Variants in KCND2 observed in about 807,000 individuals in gnomAD.
KCND2 encodes the protein potassium voltage-gated channel subfamily D member 2.
In KCND2, 16 loss-of-function variants were observed where a neutral mutation model predicts 54.4. The observed-to-expected ratio is 0.29, with a 90% CI of 0.20 to 0.45. The LOEUF (loss-of-function observed/expected upper bound fraction) is 0.45, where lower values mean the gene tolerates loss of function less well. Among genes scored for constraint, KCND2 ranks in the 20% least tolerant of loss-of-function variants. KCND2 has a pLI of 1.00. For synonymous variants in KCND2, 317 were observed against 310.7 expected (o/e 1.02, Z -0.21); for missense variants, 486 against 824.2 (o/e 0.59, Z 5.02).
At chr7:120,376,589 C>T (rs1800838040) in intron 1 of KCND2, among the ~76,000 whole-genome samples, 1 of 150,742 alleles carries the variant, frequency 6.6e-6, no homozygotes, top group Non-Finnish European at 1.5e-5. Flanking sequence ...TATAAAAATA[C>T]ATTTGCATTC....
intron 1 of KCND2, among the ~76,000 whole-genome samples, chr7:120,396,008 A>T (rs1801150683): frequency 6.6e-6 from 1 of 152,054 alleles, no homozygotes; most frequent in African/African-American, 2.4e-5. Context: ...TCTCTTAGAC[A>T]TCCAACAGAG....
chr7:120,536,839 T>C (rs1294434183), intron 1 of KCND2, among the ~76,000 whole-genome samples: 1 of 152,194 alleles, frequency 6.6e-6, no homozygotes, highest in Non-Finnish European at 1.5e-5. Context: ...AGGGATGTAA[T>C]AAACTTCTTT....
At chr7:120,410,767 A>C (rs890600638) in intron 1 of KCND2, among the ~76,000 whole-genome samples, 8 of 144,476 alleles carry the variant, frequency 5.5e-5, no homozygotes, top group African/African-American at 2.1e-4. Flanking sequence ...TCACTGTTCA[A>C]TTCCCACCTA....
intron 1 of KCND2, among the ~76,000 whole-genome samples, chr7:120,441,244 C>T (rs1801941338): frequency 6.6e-6 from 1 of 152,000 alleles, no homozygotes; most frequent in Admixed American, 6.6e-5. Flanking sequence ...AGTTATTTAA[C>T]TTTTCTGTTA....
chr7:120,354,885 A>G lies in KCND2; in HGVS notation c.1115+79138A>G, dbSNP rs567477039. 8.5e-5 allele frequency among the ~76,000 whole-genome samples: 13 copies of G among 152,374 alleles called. No homozygotes were observed. The South Asian group carries it at 2.7e-3, about 32-fold the overall frequency. ...ATTGTATATATGAGATACATTATAT[A>G]AACTATACTATTCTTCAGCTTTGAT... On this transcript the variant is annotated intron_variant, in intron 1 of 5. Coordinates refer to ENST00000331113, the MANE Select transcript of KCND2 (RefSeq NM_012281.3).
At chr7:120,480,155 T>C (rs1802585905) in intron 1 of KCND2, among the ~76,000 whole-genome samples, 1 of 152,010 alleles carries the variant, frequency 6.6e-6, no homozygotes, top group African/African-American at 2.4e-5. Context: ...AAATTATCTA[T>C]TTTTAGGGAA....
chr7:120,510,553 A>G (rs961752688), intron 1 of KCND2, among the ~76,000 whole-genome samples: 2 of 152,110 alleles, frequency 1.3e-5, no homozygotes, highest in Admixed American at 6.6e-5. Flanking sequence ...TAATAAATGT[A>G]TACAATTTAA....
intron 1 of KCND2, among the ~76,000 whole-genome samples, chr7:120,382,873 TACTC>T (rs2116030907): frequency 6.6e-6 from 1 of 151,998 alleles, no homozygotes; most frequent in East Asian, 1.9e-4. Context: ...TGTATTATGT[TACTC>T]ACAATCTTTC....
At chr7:120,470,841 A>G (rs1018342550) in intron 1 of KCND2, among the ~76,000 whole-genome samples, 2 of 151,904 alleles carry the variant, frequency 1.3e-5, no homozygotes, top group African/African-American at 4.8e-5. Context: ...TATATAATAT[A>G]AGTAAATCCC....
chr7:120,399,701 C>CTTA (rs1801215519), intron 1 of KCND2, among the ~76,000 whole-genome samples: 1 of 148,318 alleles, frequency 6.7e-6, no homozygotes, highest in Non-Finnish European at 1.5e-5. Context: ...TTATTTTTAC[C>CTTA]TTATTTATTT....
At chr7:120,401,765 A>G (rs1801257145) in intron 1 of KCND2, among the ~76,000 whole-genome samples, 1 of 152,098 alleles carries the variant, frequency 6.6e-6, no homozygotes, top group South Asian at 2.1e-4. Flanking sequence ...TTGTTATTCT[A>G]TCCCTTTCCT....
At chr7:120,669,643 C>T (rs1281620556) in intron 1 of KCND2, among the ~76,000 whole-genome samples, 3 of 152,078 alleles carry the variant, frequency 2.0e-5, no homozygotes, top group African/African-American at 7.2e-5. Context: ...ACCCTGAGCT[C>T]CTCGAGTTAT....
intron 1 of KCND2, among the ~76,000 whole-genome samples, chr7:120,666,802 T>G (rs1027481597): frequency 1.3e-5 from 2 of 151,940 alleles, no homozygotes; most frequent in African/African-American, 4.8e-5. Context: ...CTCATATATC[T>G]TCTCTAAGTA....
In KCND2 at chr7:120,745,785, C is replaced by T. The variant is rs145422660; in HGVS notation, c.1473C>T (p.His491=). 363 of 1,613,584 alleles carry T rather than the reference C, an allele frequency of 2.2e-4. 2 individuals are homozygous for T. In the African/African-American group the frequency reaches 4.3e-3, roughly 19 times the overall value. Residue 491 remains histidine, a synonymous_variant, in exon 5 of 6, where the codon CAC becomes CAT. Coordinates refer to ENST00000331113, the MANE Select transcript of KCND2 (RefSeq NM_012281.3). ...TACTTACAACTGTGGAACAGAATCA[C>T]GAGTTTGTGGACGAACAAGTCTTTG... ...LLHCLEKTTN[H]EFVDEQVFEE...
At chr7:120,704,310 A>G (rs1012631148) in intron 1 of KCND2, among the ~76,000 whole-genome samples, 2 of 152,178 alleles carry the variant, frequency 1.3e-5, no homozygotes, top group African/African-American at 4.8e-5. Flanking sequence ...TTATTTTTGG[A>G]TGATACATTA....
intron 1 of KCND2, among the ~76,000 whole-genome samples, chr7:120,404,035 G>T (rs1168197828): frequency 6.6e-6 from 1 of 151,996 alleles, no homozygotes; most frequent in African/African-American, 2.4e-5. Flanking sequence ...TAACATTTCA[G>T]CAGAAACCAC....
chr7:120,597,931 G>T (rs1792765685), intron 1 of KCND2, among the ~76,000 whole-genome samples: 2 of 151,950 alleles, frequency 1.3e-5, no homozygotes, highest in East Asian at 3.9e-4. Context: ...CTGTCCCTAG[G>T]GTACTCTTCT....
rs555913503 is a variant in KCND2 at position 120,516,759 on chromosome 7, A to G, written c.1116-216144A>G. 5.9e-5 allele frequency among the ~76,000 whole-genome samples: 9 copies of G among 152,284 alleles called. No homozygotes were observed. In the East Asian group the frequency reaches 1.7e-3, roughly 29 times the overall value. The stretch of plus-strand genomic sequence containing the variant: ...TGTTGACCCAGGATTGAATATCTAC[A>G]TATATGAAAATACAAATACATAAAC... On this transcript the variant is annotated intron_variant, in intron 1 of 5. Transcript: ENST00000331113.
At chr7:120,549,202 C>A (rs1792078057) in intron 1 of KCND2, among the ~76,000 whole-genome samples, 1 of 152,000 alleles carries the variant, frequency 6.6e-6, no homozygotes, top group Non-Finnish European at 1.5e-5. Flanking sequence ...AAGACACATT[C>A]AAACTGTATT....
Sources: gnomAD v4.1 joint callset for allele counts (sites outside exome capture counted in the v4.1 genomes callset) on GRCh38, gnomAD v4.1.1 for gene constraint, MANE v1.5 for transcripts, NCBI Gene and HGNC (gene_info 2026-07-23, HGNC 2026-07-21) for gene names.